CAMK1D: variants seen among roughly 807,000 people sequenced by gnomAD.
CAMK1D encodes the protein calcium/calmodulin dependent protein kinase ID.
Under a neutral mutation model 47.7 loss-of-function variants are expected in CAMK1D, and 9 were observed. That is an observed-to-expected ratio of 0.19 (90% CI 0.11 to 0.33). The LOEUF is 0.33. CAMK1D is among the 10% of genes least tolerant of loss of function. The probability of loss-of-function intolerance (pLI) is 1.00; values close to 1 mark genes in which losing one functional copy is unlikely to be tolerated. For synonymous variants in CAMK1D, 184 were observed against 184.9 expected (o/e 0.99, Z 0.04); for missense variants, 291 against 488.7 (o/e 0.60, Z 3.81).
At chr10:12,719,180 G>A (rs1355195605) in intron 3 of CAMK1D, among the ~76,000 whole-genome samples, 2 of 152,170 alleles carry the variant, frequency 1.3e-5, no homozygotes, top group Non-Finnish European at 2.9e-5. Flanking sequence ...GCTGAGGCGG[G>A]TGGATCACCT....
At chr10:12,679,814 C>G (rs1020511693) in intron 3 of CAMK1D, among the ~76,000 whole-genome samples, 1 of 152,186 alleles carries the variant, frequency 6.6e-6, no homozygotes, top group African/African-American at 2.4e-5. Flanking sequence ...AGCACAGTCC[C>G]GCCCAGCACC....
At chr10:12,581,337 T>G (rs189675734) in intron 2 of CAMK1D, among the ~76,000 whole-genome samples, 1 of 152,258 alleles carries the variant, frequency 6.6e-6, no homozygotes, top group African/African-American at 2.4e-5. Flanking sequence ...TGAATTGTGC[T>G]GCTATAAACA....
At chr10:12,682,109 A>G (rs1387386830) in intron 3 of CAMK1D, among the ~76,000 whole-genome samples, 1 of 152,096 alleles carries the variant, frequency 6.6e-6, no homozygotes, top group Non-Finnish European at 1.5e-5. Flanking sequence ...AGTCCCAACT[A>G]CTCAGGAGGC....
intron 3 of CAMK1D, among the ~76,000 whole-genome samples, chr10:12,699,569 T>C (rs1452840210): frequency 6.6e-6 from 1 of 152,056 alleles, no homozygotes; most frequent in East Asian, 1.9e-4. Context: ...TTGTGTAAGC[T>C]GAACCAATTG....
chr10:12,702,686 G>C (rs1833572148), intron 3 of CAMK1D, among the ~76,000 whole-genome samples: 1 of 152,214 alleles, frequency 6.6e-6, no homozygotes, highest in African/African-American at 2.4e-5. Flanking sequence ...TGTGCACAGA[G>C]GCACATATGT....
chr10:12,628,147 A>G (rs1008313826), intron 2 of CAMK1D, among the ~76,000 whole-genome samples: 1 of 152,164 alleles, frequency 6.6e-6, no homozygotes, highest in Non-Finnish European at 1.5e-5. Flanking sequence ...TATTAAGTTA[A>G]AGCTGTTATG....
At chr10:12,746,363 CAAA>C (rs542434085) in intron 3 of CAMK1D, among the ~76,000 whole-genome samples, 3 of 86,838 alleles carry the variant, frequency 3.5e-5, no homozygotes, top group Admixed American at 1.3e-4. Context: ...GACTCCGTCT[CAAA>C]AAAAAAAAAA....
intron 3 of CAMK1D, among the ~76,000 whole-genome samples, chr10:12,678,719 A>G (rs533001636): frequency 2.0e-5 from 3 of 152,308 alleles, no homozygotes; most frequent in African/African-American, 7.2e-5. Context: ...TTATCATTAT[A>G]TAATATCCTT....
intron 2 of CAMK1D, among the ~76,000 whole-genome samples, chr10:12,613,371 G>T (rs1838688700): frequency 6.6e-6 from 1 of 151,926 alleles, no homozygotes; most frequent in South Asian, 2.1e-4. Context: ...AAGCCATTAA[G>T]AAAAAAAATA....
intron 2 of CAMK1D, among the ~76,000 whole-genome samples, chr10:12,568,879 C>T (rs897785611): frequency 6.6e-6 from 1 of 152,178 alleles, no homozygotes; most frequent in East Asian, 1.9e-4. Flanking sequence ...ATAGTCACCA[C>T]TGTTATTATT....
intron 1 of CAMK1D, among the ~76,000 whole-genome samples, chr10:12,517,528 T>A (rs150626822): frequency 2.6e-5 from 4 of 152,302 alleles, no homozygotes; most frequent in African/African-American, 9.6e-5. Flanking sequence ...CCTCTTTATC[T>A]AGTTAAGGAA....
intron 1 of CAMK1D, among the ~76,000 whole-genome samples, chr10:12,460,778 G>T (rs1564353468): frequency 6.6e-6 from 1 of 151,882 alleles, no homozygotes; most frequent in Non-Finnish European, 1.5e-5. Context: ...TGTTGCCCAG[G>T]CTCGTCTTGA....
At chr10:12,463,041 C>A (rs1321727415) in intron 1 of CAMK1D, among the ~76,000 whole-genome samples, 1 of 152,098 alleles carries the variant, frequency 6.6e-6, no homozygotes, top group Non-Finnish European at 1.5e-5. Flanking sequence ...GTTGGGCAAC[C>A]AGCAGCTGGC....
intron 3 of CAMK1D, among the ~76,000 whole-genome samples, chr10:12,679,242 G>T (rs1368792387): frequency 6.6e-6 from 1 of 152,024 alleles, no homozygotes; most frequent in Non-Finnish European, 1.5e-5. Context: ...AGTTAGATCT[G>T]GTCGCTAATA....
intron 2 of CAMK1D, among the ~76,000 whole-genome samples, chr10:12,660,607 T>G (rs1840247704): frequency 6.6e-6 from 1 of 152,244 alleles, no homozygotes; most frequent in South Asian, 2.1e-4. Flanking sequence ...GTTGACTCTC[T>G]CTGCCTGGAC....
chr10:12,684,032 G>T (rs1372118216), intron 3 of CAMK1D, among the ~76,000 whole-genome samples: 4 of 152,082 alleles, frequency 2.6e-5, no homozygotes, highest in African/African-American at 9.7e-5. Flanking sequence ...AGGCCGTAAG[G>T]AATAGCAAAA....
At chr10:12,395,522 A>G (rs191931794) in intron 1 of CAMK1D, among the ~76,000 whole-genome samples, 38 of 152,264 alleles carry the variant, frequency 2.5e-4, no homozygotes, top group Admixed American at 2.1e-3. Context: ...TTTCAGTATC[A>G]TAAAGGGCCA....
chr10:12,746,994 GAGAA>G (rs1835711214), intron 3 of CAMK1D, among the ~76,000 whole-genome samples: 1 of 151,900 alleles, frequency 6.6e-6, no homozygotes, highest in African/African-American at 2.4e-5. Flanking sequence ...CAAATAAATG[GAGAA>G]AGAGTTGTTT....
At chr10:12,625,850 C>T (rs1839198806) in intron 2 of CAMK1D, among the ~76,000 whole-genome samples, 1 of 152,112 alleles carries the variant, frequency 6.6e-6, no homozygotes, top group Non-Finnish European at 1.5e-5. Context: ...TACAGTAAAT[C>T]TGGAAGTCTA....
Sources: allele counts gnomAD v4.1 joint callset (sites outside exome capture counted in the v4.1 genomes callset), GRCh38; gene constraint gnomAD v4.1.1; transcripts MANE v1.5; gene names NCBI Gene and HGNC (gene_info 2026-07-23, HGNC 2026-07-21).